LSG1: variants seen among roughly 807,000 people sequenced by gnomAD.
LSG1 encodes large subunit GTPase 1 homolog.
Under a neutral mutation model 82.6 loss-of-function variants are expected in LSG1, and 55 were observed. That is an observed-to-expected ratio of 0.67 (90% CI 0.54 to 0.83). The LOEUF (loss-of-function observed/expected upper bound fraction) is 0.83. Among genes scored for constraint, LSG1 ranks in the 40% least tolerant of loss-of-function variants. The probability of loss-of-function intolerance (pLI) is 0.00; values close to 1 mark genes in which losing one functional copy is unlikely to be tolerated. For missense variants in LSG1, 809 were observed against 807.9 expected, an observed-to-expected ratio of 1.00 and a Z score of -0.02; for synonymous variants, 272 against 282.5, an observed-to-expected ratio of 0.96 and a Z score of 0.37.
intron 7 of LSG1, among the ~76,000 whole-genome samples, chr3:194,657,099 G>GT (rs1239771724): frequency 6.6e-6 from 1 of 151,238 alleles, no homozygotes; most frequent in Admixed American, 6.6e-5. Context: ...GTATATATAC[G>GT]TAACAAACCT....
rs1718665577 is a variant in LSG1 at position 194,651,146 on chromosome 3, GAC to G, written c.1242_1243del (p.Ser415CysfsTer22). 1 of 1,614,126 alleles carries G rather than the reference GAC, an allele frequency of 6.2e-7. No individual in the cohort carries two copies. The highest frequency in any genetic ancestry group is 1.3e-5 in the African/African-American group (1 of 74,934). On this transcript the variant is annotated frameshift_variant, in exon 9 of 14. Transcript: ENST00000265245. LOFTEE classifies it high-confidence loss of function. ...GTGCTTTGTGTGACCAGGTGTGGCA[GAC>G]ACAGATACTTTCTTGTTGCCCATGA...
At chr3:194,662,985 G>A (rs1577258736) in intron 5 of LSG1, among the ~76,000 whole-genome samples, 1 of 152,290 alleles carries the variant, frequency 6.6e-6, no homozygotes, top group Admixed American at 6.5e-5. Context: ...CTAGACACCT[G>A]AGGAAGGCCT....
In LSG1 at chr3:194,642,224, T is replaced by A; in HGVS notation, c.1821A>T (p.Lys607Asn). 6.2e-7 allele frequency: 1 copy of A among 1,613,678 alleles called. No homozygotes were observed. ...TGTAACCCATCACAGCCTGGACTCC[T>A]TTGGTCAAAGCCCTCACATTCTCCT... ...FHQENVRALT[K>N]GVQAVMGYKP... The change falls in exon 14 of 14, where the codon AAA becomes AAT. Residue 607 changes from lysine to asparagine, a missense_variant. Physicochemically the swap from Lys to Asn is moderately conservative, Grantham distance 94. Transcript: ENST00000265245.
intron 12 of LSG1, among the ~76,000 whole-genome samples, chr3:194,645,569 CAGACAG>C (rs377074772): frequency 0.036 from 2,060 of 57,082 alleles, 337 homozygotes; most frequent in East Asian, 0.062. Context: ...CACACACACA[CAGACAG>C]ACACACACAC....
At chr3:194,666,131 G>A in intron 4 of LSG1, 72 bp downstream of exon 4, 1 of 1,259,538 alleles carries the variant, frequency 7.9e-7, no homozygotes, top group Admixed American at 1.9e-5. Context: ...AAACACAAAT[G>A]GCTGTGTAAG....
intron 7 of LSG1, among the ~76,000 whole-genome samples, chr3:194,657,983 T>G (rs964169543): frequency 6.6e-6 from 1 of 151,984 alleles, no homozygotes; most frequent in Non-Finnish European, 1.5e-5. Flanking sequence ...TATACTGAGC[T>G]CATGGAGGGG....
chr3:194,652,935 C>T lies in LSG1; in HGVS notation c.967G>A (p.Glu323Lys), dbSNP rs1402679328. The change falls in exon 8 of 14, where the codon GAA (glutamate) becomes AAA (lysine). Residue 323 changes from glutamate to lysine, a missense_variant. Physicochemically the swap from Glu to Lys is moderately conservative, Grantham distance 56. Transcript: ENST00000265245. ...TCCTCTTCCTTGGGACCGTCTTCTT[C>T]TGAGCACGTCTGCCAGTCGTCTTCC... The part of the protein sequence containing the change: ...EEEDDWQTCS[E>K]EDGPKEEDCS... The T allele has an allele frequency of 6.2e-7, 1 of 1,614,124 alleles. No individual in the cohort carries two copies. Among genetic ancestry groups the T allele is most frequent in the East Asian group, 2.2e-5 (1 of 44,866 alleles).
chr3:194,665,670 A>T, intron 4 of LSG1, 27 bp from the exon 5 acceptor site: 1 of 1,388,242 alleles, frequency 7.2e-7, no homozygotes, highest in Non-Finnish European at 1.0e-6. Flanking sequence ...AAGTTTATAT[A>T]TTTGCCAGAT....
At chr3:194,646,976 T>C (rs1294479369) in intron 11 of LSG1, among the ~76,000 whole-genome samples, 2 of 152,170 alleles carry the variant, frequency 1.3e-5, no homozygotes, top group African/African-American at 4.8e-5. Flanking sequence ...CTAACTCAAT[T>C]AGAAAAGCAG....
At chr3:194,648,860 C>T in intron 10 of LSG1, 56 bp from the exon 11 acceptor site, 1 of 1,598,724 alleles carries the variant, frequency 6.3e-7, no homozygotes, top group Non-Finnish European at 8.5e-7. Context: ...CCATGGCATA[C>T]AAATCGTGCC....
chr3:194,658,890 C>T, intron 7 of LSG1, 67 bp downstream of exon 7: 7 of 1,425,822 alleles, frequency 4.9e-6, no homozygotes, highest in Middle Eastern at 1.8e-4. Context: ...AAAACACAAA[C>T]GAAGCACATT....
intron 2 of LSG1, among the ~76,000 whole-genome samples, chr3:194,667,923 C>CAA (rs1170566137): frequency 1.1e-3 from 14 of 12,810 alleles, no homozygotes; most frequent in East Asian, 6.8e-3. Flanking sequence ...GACTCCGTCT[C>CAA]AAAAAAAAAA....
chr3:194,656,391 GAA>G (rs1164992168), intron 7 of LSG1, among the ~76,000 whole-genome samples: 1 of 152,092 alleles, frequency 6.6e-6, no homozygotes, highest in Admixed American at 6.5e-5. Context: ...AAAAACATGT[GAA>G]AAAATGCTCA....
chr3:194,662,160 G>A (rs745449167), intron 5 of LSG1, among the ~76,000 whole-genome samples: 42 of 152,210 alleles, frequency 2.8e-4, no homozygotes, highest in Non-Finnish European at 1.8e-4. Flanking sequence ...GCCCGCGCCC[G>A]TAATCCATCT....
chr3:194,660,987 G>C (rs1705968), intron 5 of LSG1: 295,311 of 443,968 alleles, frequency 0.67, 100,935 homozygotes, highest in East Asian at 0.87. Flanking sequence ...CCGCTGGGAG[G>C]ACATAAGCTA....
In LSG1 at chr3:194,641,193, A is replaced by G. The variant is rs1010180480; in HGVS notation, c.*875T>C. The G allele has an allele frequency of 6.6e-6, 1 of 152,204 alleles. No homozygotes were observed. Among genetic ancestry groups the G allele is most frequent in the African/African-American group, 2.4e-5 (1 of 41,436 alleles). The allele number at this position is 152,204 out of a possible 1,614,324, so 9.4% of individuals were successfully genotyped here. The stretch of plus-strand genomic sequence containing the variant: ...TATGTTATTGAACTATAATTTACAT[A>G]CCATACAATTCACCAACGTAAAGTG... On this transcript the variant is annotated 3_prime_UTR_variant, in exon 14 of 14. Transcript: ENST00000265245.
In LSG1 at chr3:194,644,389, AATAAATAAAT is replaced by A. The variant is rs1560218817; in HGVS notation, c.1797+174_1797+183del. Among the ~76,000 whole-genome samples the A allele has an allele frequency of 1.4e-3, 139 of 100,264 alleles. 3 individuals are homozygous for A. Among genetic ancestry groups the A allele is most frequent in the Admixed American group, 1.8e-3 (17 of 9,624 alleles). The allele number at this position is 100,264 out of a possible 152,430, so 65.8% of individuals were successfully genotyped here. A position where few individuals can be genotyped will look rare whatever the true frequency, so the allele number is the denominator to read the frequency against. On this transcript the variant is annotated intron_variant, in intron 13 of 13. Coordinates refer to ENST00000265245, the MANE Select transcript of LSG1 (RefSeq NM_018385.3). ...GTCTCAAAAAAAAAAAATAAAAATA[AATAAATAAAT>A]AAATAAATAAATAAATAAATAAATA...
At chr3:194,656,604 T>C (rs1335116412) in intron 7 of LSG1, among the ~76,000 whole-genome samples, 3 of 152,042 alleles carry the variant, frequency 2.0e-5, no homozygotes, top group Non-Finnish European at 4.4e-5. Context: ...TCCTCAGGGA[T>C]CTAGAACTAG....
intron 7 of LSG1, among the ~76,000 whole-genome samples, chr3:194,657,819 A>G (rs1718831714): frequency 6.6e-6 from 1 of 152,174 alleles, no homozygotes; most frequent in African/African-American, 2.4e-5. Context: ...ACTTCGTTTC[A>G]CTGAATGGAA....
Sources: allele counts gnomAD v4.1 joint callset (sites outside exome capture counted in the v4.1 genomes callset), GRCh38; gene constraint gnomAD v4.1.1; transcripts MANE v1.5; gene names NCBI Gene and HGNC (gene_info 2026-07-23, HGNC 2026-07-21).